Variants in ARL14EP observed in about 807,000 individuals in gnomAD.
ARL14EP encodes ARL14 effector protein.
A neutral mutation model predicts 23.1 loss-of-function variants in ARL14EP; 12 were observed. That is an observed-to-expected ratio of 0.52 (90% CI 0.33 to 0.84). The LOEUF (loss-of-function observed/expected upper bound fraction) is 0.84. Ranked by LOEUF, ARL14EP falls within the 40% of genes least tolerant of loss-of-function variation. The pLI, the probability that ARL14EP is intolerant of heterozygous loss-of-function variation, is 0.02. For missense variants in ARL14EP, 253 were observed against 307.3 expected, an observed-to-expected ratio of 0.82 and a Z score of 1.32; for synonymous variants, 97 against 102.0, an observed-to-expected ratio of 0.95 and a Z score of 0.29.
At chr11:30,328,913 C>T (rs571134073) in intron 1 of ARL14EP, 156 of 151,970 alleles carry the variant, frequency 1.0e-3, no homozygotes, top group African/African-American at 3.7e-3. Context: ...CAGATTTTTT[C>T]CTAATGAGTT....
At chr11:30,323,943 G>C (rs1947216016) in intron 1 of ARL14EP, among the ~76,000 whole-genome samples, 1 of 152,174 alleles carries the variant, frequency 6.6e-6, no homozygotes, top group African/African-American at 2.4e-5. Flanking sequence ...CTTTTCAATG[G>C]TGTTATGGAC....
At chr11:30,329,031 A>C (rs1565008235) in intron 1 of ARL14EP, 1 of 152,100 alleles carries the variant, frequency 6.6e-6, no homozygotes, top group Non-Finnish European at 1.5e-5. Context: ...TGAAGCACTT[A>C]TGTACATGTC....
Position 30,336,634 on chromosome 11 carries a change from C to T in ARL14EP, c.622C>T (p.Leu208Phe). 1.2e-6 allele frequency: 2 copies of T among 1,614,026 alleles called. No individual in the cohort carries two copies. Among genetic ancestry groups the T allele is most frequent in the East Asian group, 2.2e-5 (1 of 44,866 alleles). ...QGLLIFSGMD[L>F]CDCLDEDCLG... Reference sequence around the variant, plus strand: ...TCTCCTGATTTTTAGTGGGATGGACCTCTGTGACTGCCTGGATGAAGACTG... The same window carrying T: ...TCTCCTGATTTTTAGTGGGATGGACTTCTGTGACTGCCTGGATGAAGACTG... The change falls in exon 4 of 4, where the codon CTC becomes TTC. Residue 208 changes from leucine to phenylalanine, a missense_variant. Physicochemically the swap from Leu to Phe is conservative, Grantham distance 22. Coordinates refer to ENST00000282032, the MANE Select transcript of ARL14EP (RefSeq NM_152316.3).
chr11:30,337,096 A>T lies in ARL14EP; in HGVS notation c.*301A>T. Reference sequence around the variant, plus strand: ...GTGACCTAGATTTAGTTTAAATACCAGTTTCCTTACCAGGAAGGAAAGAAA... The same window carrying T: ...GTGACCTAGATTTAGTTTAAATACCTGTTTCCTTACCAGGAAGGAAAGAAA... On this transcript the variant is annotated 3_prime_UTR_variant, in exon 4 of 4. Transcript: ENST00000282032. 3.0e-6 allele frequency: 1 copy of T among 334,978 alleles called. No homozygotes were observed. Among genetic ancestry groups the T allele is most frequent in the Non-Finnish European group, 5.6e-6 (1 of 180,092 alleles). 20.8% of individuals were successfully genotyped at this position (334,978 alleles called of 1,614,324 possible).
chr11:30,331,231 T>C lies in ARL14EP; in HGVS notation c.283T>C (p.Leu95=). The C allele has an allele frequency of 6.2e-7, 1 of 1,613,980 alleles. No individual in the cohort carries two copies. Among genetic ancestry groups the C allele is most frequent in the Non-Finnish European group, 8.5e-7 (1 of 1,179,894 alleles). The change falls in exon 2 of 4, where the codon TTA becomes CTA. Residue 95 remains leucine (L), a synonymous_variant. Transcript: ENST00000282032. ...CAAAAAAAATTTGCATGTAATTGAC[T>C]TAGATGATGCCACTTTTCTGAGTGC... ...LAKKNLHVID[L]DDATFLSAKF... is the part of the protein sequence containing the mutation.
intron 3 of ARL14EP, among the ~76,000 whole-genome samples, chr11:30,335,804 C>T (rs1395737884): frequency 1.3e-5 from 2 of 151,532 alleles, no homozygotes; most frequent in African/African-American, 4.9e-5. Flanking sequence ...GTGTGTGACT[C>T]ACTTTATTGG....
chr11:30,336,912 G>A lies in ARL14EP; in HGVS notation c.*117G>A. 1 of 979,514 alleles carries A rather than the reference G, an allele frequency of 1.0e-6. No homozygotes were observed. Among genetic ancestry groups the A allele is most frequent in the Non-Finnish European group, 1.6e-6 (1 of 642,858 alleles). The allele number at this position is 979,514 out of a possible 1,614,324, so 60.7% of individuals were successfully genotyped here. On this transcript the variant is annotated 3_prime_UTR_variant, in exon 4 of 4. Transcript: ENST00000282032. ...AAAGATTTTAAAACCATCTCAGTGT[G>A]CCCTAATTTTTCATCTTGGGTGCTT...
At chr11:30,326,307 C>G (rs1302478377) in intron 1 of ARL14EP, among the ~76,000 whole-genome samples, 1 of 152,112 alleles carries the variant, frequency 6.6e-6, no homozygotes, top group Non-Finnish European at 1.5e-5. Flanking sequence ...TACTGAGATT[C>G]TGTATTTCTA....
chr11:30,336,755 T>C lies in ARL14EP; in HGVS notation c.743T>C (p.Ile248Thr), dbSNP rs1344800845. The C allele has an allele frequency of 6.2e-6, 10 of 1,613,956 alleles. No homozygotes were observed. The highest frequency in any genetic ancestry group is 5.9e-6 in the Non-Finnish European group (7 of 1,180,028). ...AAGTGGCTGTATGAGCAAATTGAAA[T>C]TGAAGGAGGAGAAATAATTCATAAT... ...DRKWLYEQIE[I>T]EGGEIIHNKH... The change falls in exon 4 of 4, where the codon ATT (isoleucine) becomes ACT (threonine). Residue 248 changes from isoleucine (I) to threonine (T), a missense_variant. Ile to Thr is a moderately conservative substitution (Grantham distance 89). Transcript: ENST00000282032.
chr11:30,330,868 C>A lies in ARL14EP; in HGVS notation c.-63-18C>A. The stretch of plus-strand genomic sequence containing the variant: ...AAACTTGCAGCACAAATTTGATTCT[C>A]TTTAATATTTTCTCTAGGGTGATCA... On this transcript the variant is annotated intron_variant, in intron 1 of 3. Transcript: ENST00000282032. 7.3e-7 allele frequency: 1 copy of A among 1,375,612 alleles called. No homozygotes were observed. The highest frequency in any genetic ancestry group is 1.0e-6 in the Non-Finnish European group (1 of 983,908). The allele number at this position is 1,375,612 out of a possible 1,614,324, so 85.2% of individuals were successfully genotyped here.
Position 30,330,999 on chromosome 11 carries a change from C to T in ARL14EP, c.51C>T (p.Cys17=), listed in dbSNP as rs568629489. 50 of 1,613,828 alleles carry T rather than the reference C, an allele frequency of 3.1e-5. No individual in the cohort carries two copies. Among genetic ancestry groups the T allele is most frequent in the Non-Finnish European group, 4.2e-5 (50 of 1,179,786 alleles). The change falls in exon 2 of 4, where the codon TGC becomes TGT. Residue 17 remains cysteine, a synonymous_variant. Coordinates refer to ENST00000282032, the MANE Select transcript of ARL14EP (RefSeq NM_152316.3). ...VGVQLRTTNE[C]HKTYYTRHTG... is the part of the protein sequence containing the mutation. ...TCCAGCTTCGTACTACAAATGAGTG[C>T]CATAAAACCTACTATACTCGTCACA...
At chr11:30,331,777 T>A (rs1463963071) in intron 2 of ARL14EP, 1 of 1,014,786 alleles carries the variant, frequency 9.9e-7, no homozygotes, top group Admixed American at 5.3e-5. Context: ...TGGAAATCAC[T>A]GCTTTAAAAG....
intron 2 of ARL14EP, chr11:30,331,718 C>A (rs1259542296): frequency 1.8e-6 from 2 of 1,093,090 alleles, no homozygotes; most frequent in East Asian, 6.8e-5. Flanking sequence ...GACATGGCAA[C>A]CACCAAGGGT....
Position 30,325,320 on chromosome 11 carries a change from T to C in ARL14EP, c.-64+2118T>C, listed in dbSNP as rs188576004. 4.5e-3 allele frequency among the ~76,000 whole-genome samples: 678 copies of C among 152,310 alleles called. 5 individuals are homozygous for C. The highest frequency in any genetic ancestry group is 0.015 in the African/African-American group (637 of 41,566). ...TAGGGCCAAGCAGATCAGCAAATTATTCATAAATTCATAGTTGAAGCAAAA... is the reference window on the plus strand; with the variant it reads ...TAGGGCCAAGCAGATCAGCAAATTACTCATAAATTCATAGTTGAAGCAAAA... On this transcript the variant is annotated intron_variant, in intron 1 of 3. Coordinates refer to ENST00000282032, the MANE Select transcript of ARL14EP (RefSeq NM_152316.3).
At chr11:30,329,428 A>G (rs1308332656) in intron 1 of ARL14EP, 1 of 152,142 alleles carries the variant, frequency 6.6e-6, no homozygotes, top group East Asian at 1.9e-4. Context: ...TTGTGCTCTT[A>G]TTGGAGATAT....
At chr11:30,333,113 T>A in intron 3 of ARL14EP, 120 bp downstream of exon 3, 1 of 1,336,538 alleles carries the variant, frequency 7.5e-7, no homozygotes, top group East Asian at 2.6e-5. Context: ...AATGTAGAAT[T>A]AGTAAAAACC....
intron 1 of ARL14EP, among the ~76,000 whole-genome samples, chr11:30,323,950 G>C (rs543113784): frequency 8.7e-4 from 132 of 152,240 alleles, no homozygotes; most frequent in African/African-American, 2.9e-3. Context: ...ATGGTGTTAT[G>C]GACTATATTT....
chr11:30,325,015 A>G (rs777782824), intron 1 of ARL14EP, among the ~76,000 whole-genome samples: 1 of 152,228 alleles, frequency 6.6e-6, no homozygotes, highest in Non-Finnish European at 1.5e-5. Flanking sequence ...CAGATAAGAA[A>G]TCTGGACTTA....
At chr11:30,329,621 T>C (rs1947266647) in intron 1 of ARL14EP, 4 of 152,184 alleles carry the variant, frequency 2.6e-5, no homozygotes, top group Admixed American at 2.6e-4. Flanking sequence ...ATTTTTAAAT[T>C]GATTTCAAGC....
Sources: allele counts gnomAD v4.1 joint callset (sites outside exome capture counted in the v4.1 genomes callset), GRCh38; gene constraint gnomAD v4.1.1; transcripts MANE v1.5; gene names NCBI Gene and HGNC (gene_info 2026-07-23, HGNC 2026-07-21).